The following PCDHA4 variants were observed in gnomAD, a reference collection of about 807,000 sequenced individuals.
PCDHA4 encodes protocadherin alpha-4.
Under a neutral mutation model 61.4 loss-of-function variants are expected in PCDHA4, and 49 were observed. The ratio of observed to expected loss-of-function variants is 0.80; its 90% CI spans 0.63 to 1.01. PCDHA4 has a LOEUF of 1.01. Among genes scored for constraint, PCDHA4 ranks in the 50% least tolerant of loss-of-function variants. The pLI is 0.00. For synonymous variants in PCDHA4, 590 were observed against 550.3 expected (o/e 1.07, Z -1.01); for missense variants, 1,254 against 1,235.8 (o/e 1.01, Z -0.22).
intron 1 of PCDHA4, among the ~76,000 whole-genome samples, chr5:140,872,352 C>T (rs568415263): frequency 7.2e-5 from 11 of 152,170 alleles, no homozygotes; most frequent in African/African-American, 2.7e-4. Context: ...TCTTGCCAGG[C>T]AAAGTGGTTC....
chr5:140,823,639 C>A, intron 1 of PCDHA4: 1 of 1,614,012 alleles, frequency 6.2e-7, no homozygotes, highest in Non-Finnish European at 8.5e-7. Context: ...CATCCCGTTC[C>A]GCGTGGGGCT....
At chr5:140,907,582 G>C (rs978225789) in intron 1 of PCDHA4, among the ~76,000 whole-genome samples, 8 of 152,190 alleles carry the variant, frequency 5.3e-5, no homozygotes, top group African/African-American at 1.9e-4. Context: ...CAGGTAGCTG[G>C]CTGATCACCC....
chr5:140,889,700 T>C (rs1554184005), intron 1 of PCDHA4, among the ~76,000 whole-genome samples: 1 of 152,200 alleles, frequency 6.6e-6, no homozygotes, highest in African/African-American at 2.4e-5. Context: ...TATGGGCATA[T>C]TCCACAAGTT....
In PCDHA4 at chr5:140,984,898, A is replaced by G. The variant is rs551340383; in HGVS notation, c.2533+2335A>G. ...GTTACCATGAGAACTAAAGGAGAAA[A>G]AAAGAACTGAGCATAGTGCTTGACA... On this transcript the variant is annotated intron_variant, in intron 3 of 3. Transcript: ENST00000530339. Among the ~76,000 whole-genome samples, 21 of 152,282 alleles carry G rather than the reference A, an allele frequency of 1.4e-4. No individual in the cohort carries two copies. The South Asian group carries it at 4.4e-3, about 32-fold the overall frequency.
chr5:140,834,255 C>T, intron 1 of PCDHA4: 1 of 936,844 alleles, frequency 1.1e-6, no homozygotes, highest in South Asian at 1.7e-5. Context: ...TGGAAAGACG[C>T]TCCACTCTCT....
chr5:140,846,028 T>C (rs1415683647), intron 1 of PCDHA4, among the ~76,000 whole-genome samples: 1 of 149,754 alleles, frequency 6.7e-6, no homozygotes, highest in Non-Finnish European at 1.5e-5. Flanking sequence ...ATTACGAGTT[T>C]AGGAAAGTCA....
intron 1 of PCDHA4, chr5:140,824,418 A>G: frequency 3.9e-6 from 2 of 513,258 alleles, no homozygotes; most frequent in South Asian, 2.8e-5. Context: ...CATAGTTTGG[A>G]GTCATTCTCA....
intron 1 of PCDHA4, chr5:140,842,695 C>A (rs1554139285): frequency 6.3e-7 from 1 of 1,595,194 alleles, no homozygotes. Context: ...TCGCGCAGCC[C>A]GAGTACACGG....
chr5:140,997,324 T>C (rs1447294871), intron 3 of PCDHA4, among the ~76,000 whole-genome samples: 1 of 152,202 alleles, frequency 6.6e-6, no homozygotes, highest in Non-Finnish European at 1.5e-5. Context: ...TAGGCAGTTT[T>C]TTCGTTGTAC....
chr5:140,875,033 T>G (rs1377177254), intron 1 of PCDHA4, among the ~76,000 whole-genome samples: 1 of 152,236 alleles, frequency 6.6e-6, no homozygotes, highest in Non-Finnish European at 1.5e-5. Context: ...CTACTGTATT[T>G]GAAAGATTTC....
chr5:140,830,729 T>C, intron 1 of PCDHA4: 1 of 215,658 alleles, frequency 4.6e-6, no homozygotes, highest in Non-Finnish European at 9.1e-6. Context: ...AAAATATTCT[T>C]GGATATGTCG....
In PCDHA4 at chr5:140,869,132, G is replaced by GCA. The variant is rs782288889; in HGVS notation, c.2385+59562_2385+59563dup. On this transcript the variant is annotated intron_variant, in intron 1 of 3. Transcript: ENST00000530339. ...TTTGGTTTTCAGAGAAGGGGATTGG[G>GCA]CACCCCACGACTACAGCTCTGGCTT... The GCA allele has an allele frequency of 1.9e-6, 3 of 1,612,054 alleles. No homozygotes were observed. The Admixed American group carries it at 5.0e-5, about 27-fold the overall frequency.
At chr5:140,869,800 T>C (rs782065808) in intron 1 of PCDHA4, 2 of 1,612,808 alleles carry the variant, frequency 1.2e-6, no homozygotes, top group Non-Finnish European at 1.7e-6. Context: ...AGTCCAAGTC[T>C]TGGATGTCAA....
chr5:140,857,377 G>A (rs1347476888), intron 1 of PCDHA4: 1 of 1,598,358 alleles, frequency 6.3e-7, no homozygotes, highest in African/African-American at 1.3e-5. Context: ...TGTCTGTGGA[G>A]GTGGCCGACG....
In PCDHA4 at chr5:140,822,935, C is replaced by T. The variant is rs2150120520; in HGVS notation, c.2385+13363C>T. ...GGTGCCAACGGGCAGGTGACCTGCT[C>T]CCTAATGCCCCACGTTCCCTTCAAG... is the stretch of plus-strand genomic sequence containing the variant. On this transcript the variant is annotated intron_variant, in intron 1 of 3. Coordinates refer to ENST00000530339, the MANE Select transcript of PCDHA4 (RefSeq NM_018907.4). 9 of 1,614,240 alleles carry T rather than the reference C, an allele frequency of 5.6e-6. No individual in the cohort carries two copies. In the South Asian group the frequency reaches 8.8e-5, roughly 16 times the overall value.
rs1588262423 is a variant in PCDHA4 at position 141,011,885 on chromosome 5, T to C, written c.*1948T>C. 1 of 153,482 alleles carries C rather than the reference T, an allele frequency of 6.5e-6. No homozygotes were observed. The highest frequency in any genetic ancestry group is 1.9e-4 in the East Asian group (1 of 5,202). 9.5% of individuals were successfully genotyped at this position (153,482 alleles called of 1,614,324 possible). ...ATAATGTACAATTTAGAAGTTTGATTAATTATATTATCTATTTAGGCATTA... is the reference window on the plus strand; with the variant it reads ...ATAATGTACAATTTAGAAGTTTGATCAATTATATTATCTATTTAGGCATTA... On this transcript the variant is annotated 3_prime_UTR_variant, in exon 4 of 4. Transcript: ENST00000530339.
intron 1 of PCDHA4, chr5:140,884,538 G>C: frequency 6.2e-7 from 1 of 1,614,112 alleles, no homozygotes; most frequent in Non-Finnish European, 8.5e-7. Flanking sequence ...AGGCGGCCGA[G>C]GGTGTGCTCT....
intron 1 of PCDHA4, chr5:140,857,853 A>G (rs782574851): frequency 1.3e-6 from 2 of 1,597,574 alleles, no homozygotes; most frequent in East Asian, 2.2e-5. Flanking sequence ...GACTCTGGAT[A>G]CAACGCGTGG....
chr5:140,966,620 G>A lies in PCDHA4; in HGVS notation c.2386-12329G>A, dbSNP rs2096027901. 8 of 837,888 alleles carry A rather than the reference G, an allele frequency of 9.5e-6. No homozygotes were observed. The East Asian group carries it at 2.6e-4, about 27-fold the overall frequency. 51.9% of individuals were successfully genotyped at this position (837,888 alleles called of 1,614,324 possible). A position where few individuals can be genotyped will look rare whatever the true frequency, so the allele number is the denominator to read the frequency against. On this transcript the variant is annotated intron_variant, in intron 1 of 3. Transcript: ENST00000530339. ...GAGCCCTTGGGAGGGCCTACGGAGG[G>A]AGCGGCCCCAGGCGCTTTCTAGAGC...
Sources: allele counts gnomAD v4.1 joint callset (sites outside exome capture counted in the v4.1 genomes callset), GRCh38; gene constraint gnomAD v4.1.1; transcripts MANE v1.5; gene names NCBI Gene and HGNC (gene_info 2026-07-23, HGNC 2026-07-21).